CCDC192: variants seen among roughly 807,000 people sequenced by gnomAD.
The protein encoded by CCDC192 is coiled-coil domain containing 192.
chr5:127,878,687 G>A (rs1033926224), intron 6 of CCDC192, among the ~76,000 whole-genome samples: 1 of 152,010 alleles, frequency 6.6e-6, no homozygotes, highest in East Asian at 1.9e-4. Context: ...TTGGCGATGC[G>A]GGCTCTTTTT....
At chr5:127,878,219 C>T (rs1198264211) in intron 6 of CCDC192, among the ~76,000 whole-genome samples, 1 of 152,184 alleles carries the variant, frequency 6.6e-6, no homozygotes, top group Non-Finnish European at 1.5e-5. Context: ...AGCATTTTTC[C>T]ACTAACTCTA....
intron 6 of CCDC192, among the ~76,000 whole-genome samples, chr5:127,885,932 A>T (rs976709357): frequency 6.6e-6 from 1 of 152,214 alleles, no homozygotes; most frequent in Non-Finnish European, 1.5e-5. Context: ...CCATAATTTG[A>T]TATTTGCCAA....
intron 6 of CCDC192, among the ~76,000 whole-genome samples, chr5:127,877,502 T>G (rs1752130063): frequency 6.6e-6 from 1 of 152,152 alleles, no homozygotes; most frequent in Non-Finnish European, 1.5e-5. Context: ...TTCTCTTATT[T>G]GGTGGGGAAA....
chr5:127,879,135 CCTA>C (rs1225139998), intron 6 of CCDC192, among the ~76,000 whole-genome samples: 1 of 152,080 alleles, frequency 6.6e-6, no homozygotes, highest in African/African-American at 2.4e-5. Context: ...CTAGAGCAAT[CCTA>C]AGCCAAAAGA....
chr5:127,795,766 AT>A (rs766650113), intron 3 of CCDC192, among the ~76,000 whole-genome samples: 2 of 151,816 alleles, frequency 1.3e-5, no homozygotes, highest in Non-Finnish European at 2.9e-5. Context: ...CAAAATTGAG[AT>A]TTTTTTTAAC....
At chr5:127,714,976 T>TA (rs1321337453) in intron 2 of CCDC192, among the ~76,000 whole-genome samples, 4 of 151,866 alleles carry the variant, frequency 2.6e-5, no homozygotes, top group Non-Finnish European at 1.5e-5. Context: ...TATTAGGTTT[T>TA]TTTTTTGCTA....
intron 5 of CCDC192, among the ~76,000 whole-genome samples, chr5:127,830,810 A>C (rs1176341732): frequency 1.3e-5 from 2 of 152,002 alleles, no homozygotes; most frequent in Non-Finnish European, 2.9e-5. Context: ...GTGACTTTAT[A>C]ATCTACAAAT....
chr5:127,924,789 C>G (rs974307946), intron 6 of CCDC192, among the ~76,000 whole-genome samples: 3 of 152,112 alleles, frequency 2.0e-5, no homozygotes, highest in Admixed American at 2.0e-4. Context: ...CAATAAGAGG[C>G]AAATATTTAC....
chr5:127,784,593 A>G, intron 3 of CCDC192: 1 of 561,262 alleles, frequency 1.8e-6, no homozygotes, highest in Non-Finnish European at 3.3e-6. Context: ...TGGGACACAC[A>G]GTCAGACCCT....
intron 6 of CCDC192, among the ~76,000 whole-genome samples, chr5:127,884,525 C>A (rs1752492830): frequency 6.6e-6 from 1 of 152,002 alleles, no homozygotes; most frequent in Non-Finnish European, 1.5e-5. Context: ...GGTAACAGAG[C>A]TTCCACAGTC....
At chr5:127,769,100 G>A (rs753404785) in intron 3 of CCDC192, among the ~76,000 whole-genome samples, 13 of 152,186 alleles carry the variant, frequency 8.5e-5, no homozygotes, top group Non-Finnish European at 1.2e-4. Flanking sequence ...ATTAATTACC[G>A]CATGTAAATG....
chr5:127,704,281 C>T lies in CCDC192; in HGVS notation c.62+774C>T, dbSNP rs544999691. Among the ~76,000 whole-genome samples the T allele has an allele frequency of 1.5e-3, 225 of 152,074 alleles. 4 individuals are homozygous for T. In the South Asian group the frequency reaches 0.034, roughly 23 times the overall value. ...TTGGCTCACTGCAACTTCTGCCTCC[C>T]GGGTTCAAGTGATTCTCCCACTTCA... On this transcript the variant is annotated intron_variant, in intron 1 of 6. Transcript: ENST00000514853.
At chr5:127,732,527 TA>T (rs1164552485) in intron 2 of CCDC192, among the ~76,000 whole-genome samples, 1 of 152,170 alleles carries the variant, frequency 6.6e-6, no homozygotes, top group Admixed American at 6.5e-5. Flanking sequence ...CATTCTATTA[TA>T]AAGATATATG....
rs529500534 is a variant in CCDC192, at chr5:127,878,277, C to T, written c.535+2616C>T. Among the ~76,000 whole-genome samples, 41 of 152,288 alleles carry T rather than the reference C, an allele frequency of 2.7e-4. 1 individual carries two copies. In the South Asian group the frequency reaches 8.5e-3, roughly 32 times the overall value. Reference sequence around the variant, plus strand: ...TCAGTCCTAGCTTAGGTTGGGTACCCATCTGTGGATATGAACCAATCTTTG... The same window carrying T: ...TCAGTCCTAGCTTAGGTTGGGTACCTATCTGTGGATATGAACCAATCTTTG... On this transcript the variant is annotated intron_variant, in intron 6 of 6. Coordinates refer to ENST00000514853, the MANE Select transcript of CCDC192 (RefSeq NM_001317938.2).
At chr5:127,822,953 C>A (rs1287203189) in intron 5 of CCDC192, among the ~76,000 whole-genome samples, 1 of 152,122 alleles carries the variant, frequency 6.6e-6, no homozygotes, top group African/African-American at 2.4e-5. Context: ...GGTCTTAAGA[C>A]AAGGTTTCCA....
In CCDC192 at chr5:127,754,275, C is replaced by T; in HGVS notation, c.122C>T (p.Ser41Phe). 2.5e-6 allele frequency: 1 copy of T among 398,164 alleles called. No individual in the cohort carries two copies. Among genetic ancestry groups the T allele is most frequent in the Non-Finnish European group, 4.4e-6 (1 of 225,910 alleles). The allele number at this position is 398,164 out of a possible 1,614,324, so 24.7% of individuals were successfully genotyped here. Residue 41 changes from serine to phenylalanine, a missense_variant, in exon 3 of 7, where the codon TCC (serine) becomes TTC (phenylalanine). By Grantham distance (155) the Ser-to-Phe change is radical. Coordinates refer to ENST00000514853, the MANE Select transcript of CCDC192 (RefSeq NM_001317938.2). Reference protein sequence around the residue: ...IPQENKVSKASLDTGQMAFTL... With the variant: ...IPQENKVSKAFLDTGQMAFTL... ...ATTTTTTTTTTTTTAAAGAAAGCGT[C>T]CCTGGATACTGGACAGATGGCGTTT...
At chr5:127,729,564 T>C (rs1011799926) in intron 2 of CCDC192, among the ~76,000 whole-genome samples, 2 of 152,190 alleles carry the variant, frequency 1.3e-5, no homozygotes, top group African/African-American at 2.4e-5. Flanking sequence ...CTACAGAATA[T>C]ACATTCTTCT....
chr5:127,803,373 C>T lies in CCDC192; in HGVS notation c.411+5211C>T, dbSNP rs116591083. ...GTGGGCACCCAGGCTGAGCCATCAC[C>T]GGGCTAAGCTGCCCTGGGCATCTTT... is the stretch of plus-strand genomic sequence containing the variant. On this transcript the variant is annotated intron_variant, in intron 5 of 6. Coordinates refer to ENST00000514853, the MANE Select transcript of CCDC192 (RefSeq NM_001317938.2). 5.3e-5 allele frequency among the ~76,000 whole-genome samples: 8 copies of T among 152,284 alleles called. No homozygotes were observed. The East Asian group carries it at 7.7e-4, about 15-fold the overall frequency.
chr5:127,861,788 T>A (rs1341964840), intron 5 of CCDC192, among the ~76,000 whole-genome samples: 1 of 152,204 alleles, frequency 6.6e-6, no homozygotes, highest in African/African-American at 2.4e-5. Flanking sequence ...AAAAATCCCA[T>A]TTGGCATTTG....
Sources: allele counts gnomAD v4.1 joint callset (sites outside exome capture counted in the v4.1 genomes callset), GRCh38; gene constraint gnomAD v4.1.1; transcripts MANE v1.5; gene names NCBI Gene and HGNC (gene_info 2026-07-23, HGNC 2026-07-21).